Variants in SCRG1 observed in about 807,000 individuals in gnomAD.
SCRG1 encodes stimulator of chondrogenesis 1.
A neutral mutation model predicts 7.7 loss-of-function variants in SCRG1; 3 were observed. The observed-to-expected ratio is 0.39, with a 90% confidence interval of 0.18 to 1.01. SCRG1 has a LOEUF of 1.01. Ranked by LOEUF, SCRG1 falls within the 50% of genes least tolerant of loss-of-function variation. The pLI is 0.36. For synonymous variants in SCRG1, 46 were observed against 41.2 expected (o/e 1.12, Z -0.44); for missense variants, 110 against 117.2 (o/e 0.94, Z 0.28).
chr4:173,481,857 T>C, the SCRG1 span, among the ~76,000 whole-genome samples: 2 of 152,160 alleles, frequency 1.3e-5, no homozygotes, highest in African/African-American at 4.8e-5. Flanking sequence ...AGGCTTCCAG[T>C]CAACAGTAGG....
chr4:173,489,670 A>G, the SCRG1 span, among the ~76,000 whole-genome samples: 3 of 152,186 alleles, frequency 2.0e-5, no homozygotes, highest in Non-Finnish European at 2.9e-5. Flanking sequence ...CTACCTCTTC[A>G]CTTGAACTGA....
chr4:173,485,906 G>T, the SCRG1 span, among the ~76,000 whole-genome samples: 1 of 152,122 alleles, frequency 6.6e-6, no homozygotes, highest in Non-Finnish European at 1.5e-5. Flanking sequence ...GGAGGTGGAG[G>T]TTGCAGTGAG....
upstream of SCRG1, among the ~76,000 whole-genome samples, chr4:173,406,870 C>T (rs1739919271): frequency 6.6e-6 from 1 of 152,080 alleles, no homozygotes; most frequent in African/African-American, 2.4e-5. Context: ...TATACTTTCA[C>T]TTGTTGGAGG....
the SCRG1 span, among the ~76,000 whole-genome samples, chr4:173,481,145 C>T: frequency 6.6e-6 from 1 of 152,072 alleles, no homozygotes; most frequent in Admixed American, 6.6e-5. Flanking sequence ...ACAACAGCAA[C>T]AAAATGGCAA....
the SCRG1 span, among the ~76,000 whole-genome samples, chr4:173,484,122 A>C: frequency 2.5e-5 from 1 of 40,472 alleles, no homozygotes; most frequent in African/African-American, 7.3e-5. Flanking sequence ...TATAATATAC[A>C]ATATATAATA....
At chr4:173,494,153 T>C in the SCRG1 span, among the ~76,000 whole-genome samples, 1 of 152,138 alleles carries the variant, frequency 6.6e-6, no homozygotes, top group Non-Finnish European at 1.5e-5. Flanking sequence ...CAGGGAGACA[T>C]GACCCTGCAC....
the SCRG1 span, among the ~76,000 whole-genome samples, chr4:173,487,749 TATC>T: frequency 8.3e-4 from 126 of 152,196 alleles, 1 homozygote; most frequent in African/African-American, 2.8e-3. Flanking sequence ...AGTTGTTAAT[TATC>T]ATCAAGTATG....
chr4:173,483,228 T>C, the SCRG1 span, among the ~76,000 whole-genome samples: 1 of 81,524 alleles, frequency 1.2e-5, no homozygotes, highest in Non-Finnish European at 2.2e-5. Context: ...ATATATATAT[T>C]ATATATAATA....
At chr4:173,501,099 T>A in the SCRG1 span, among the ~76,000 whole-genome samples, 1 of 151,918 alleles carries the variant, frequency 6.6e-6, no homozygotes, top group Non-Finnish European at 1.5e-5. The surrounding 1 kb of genome is among the most constrained non-coding windows in gnomAD (Gnocchi z 5.1). Context: ...CTGGGGCCCC[T>A]CCAAAGTGGG....
the SCRG1 span, among the ~76,000 whole-genome samples, chr4:173,434,134 G>A: frequency 6.6e-6 from 1 of 152,150 alleles, no homozygotes; most frequent in African/African-American, 2.4e-5. Context: ...GGCCAGGGTG[G>A]GAAGGTGGGT....
the SCRG1 span, among the ~76,000 whole-genome samples, chr4:173,420,940 T>C: frequency 1.3e-5 from 2 of 152,158 alleles, no homozygotes; most frequent in African/African-American, 4.8e-5. Flanking sequence ...GAGTATATAC[T>C]GATAAAGCCT....
chr4:173,504,981 A>G, the SCRG1 span, among the ~76,000 whole-genome samples: 1 of 152,206 alleles, frequency 6.6e-6, no homozygotes, highest in Admixed American at 6.5e-5. The surrounding 1 kb of genome is among the most constrained non-coding windows in gnomAD (Gnocchi z 4.7). Context: ...GATTGTCACC[A>G]CTGAATTAGA....
the SCRG1 span, among the ~76,000 whole-genome samples, chr4:173,461,327 C>T: frequency 1.3e-5 from 2 of 152,184 alleles, no homozygotes; most frequent in Non-Finnish European, 2.9e-5. Context: ...CAGGGGTACT[C>T]GTGTTACTCC....
At chr4:173,399,378 A>C (rs986161416), upstream of SCRG1, 1 of 152,228 alleles carries the variant, frequency 6.6e-6, no homozygotes. Flanking sequence ...TCTATACAAG[A>C]ACCTCAGGGA....
At chr4:173,405,011 A>C (rs1320196016) in intron 1 of SCRG1, among the ~76,000 whole-genome samples, 2 of 152,208 alleles carry the variant, frequency 1.3e-5, no homozygotes, top group African/African-American at 4.8e-5. Flanking sequence ...TTTTATAATT[A>C]ATAAATCTAC....
At chr4:173,453,745 C>T in the SCRG1 span, among the ~76,000 whole-genome samples, 1 of 152,100 alleles carries the variant, frequency 6.6e-6, no homozygotes, top group Non-Finnish European at 1.5e-5. Context: ...TACACAAGTA[C>T]CAGAAACACT....
the SCRG1 span, chr4:173,419,637 A>G: frequency 1.4e-6 from 1 of 732,342 alleles, no homozygotes; most frequent in African/African-American, 1.7e-5. Flanking sequence ...AAACCAAGGA[A>G]TCGTTTGCTA....
chr4:173,479,503 T>C, the SCRG1 span, among the ~76,000 whole-genome samples: 2 of 148,136 alleles, frequency 1.4e-5, no homozygotes, highest in Admixed American at 1.4e-4. Flanking sequence ...TGCAGTGGCA[T>C]GATCTAGGAT....
chr4:173,465,055 A>T, the SCRG1 span, among the ~76,000 whole-genome samples: 5 of 152,222 alleles, frequency 3.3e-5, no homozygotes, highest in Non-Finnish European at 5.9e-5. Flanking sequence ...TCACAGTGAC[A>T]GAAAGTAGAA....
Sources: allele counts gnomAD v4.1 joint callset (sites outside exome capture counted in the v4.1 genomes callset), GRCh38; gene constraint gnomAD v4.1.1; non-coding constraint Gnocchi (gnomAD v3.1); transcripts MANE v1.5; gene names NCBI Gene and HGNC (gene_info 2026-07-23, HGNC 2026-07-21).